Variants in PDSS2 observed in about 807,000 individuals in gnomAD.
PDSS2 encodes all trans-polyprenyl-diphosphate synthase PDSS2.
In PDSS2, 31 loss-of-function variants were observed where a neutral mutation model predicts 44.5. The observed-to-expected ratio is 0.70, with a 90% CI of 0.52 to 0.94. The LOEUF (loss-of-function observed/expected upper bound fraction) is 0.94. Ranked by LOEUF, PDSS2 falls within the 40% of genes least tolerant of loss-of-function variation. The pLI is 0.00. For synonymous variants in PDSS2, 157 were observed against 180.3 expected (o/e 0.87, Z 1.03); for missense variants, 452 against 482.2 (o/e 0.94, Z 0.59).
At chr6:107,398,137 T>C (rs144993264) in intron 1 of PDSS2, among the ~76,000 whole-genome samples, 22 of 152,350 alleles carry the variant, frequency 1.4e-4, no homozygotes, top group African/African-American at 5.0e-4. Flanking sequence ...TTCACAATTA[T>C]CTGAAAAAGT....
intron 1 of PDSS2, among the ~76,000 whole-genome samples, chr6:107,384,851 C>T (rs1054163057): frequency 2.0e-5 from 3 of 151,928 alleles, no homozygotes; most frequent in South Asian, 2.1e-4. Context: ...TCTCAATTTC[C>T]GCAAATAAAA....
At chr6:107,439,871 C>T (rs1204386844) in intron 1 of PDSS2, among the ~76,000 whole-genome samples, 1 of 152,114 alleles carries the variant, frequency 6.6e-6, no homozygotes, top group Non-Finnish European at 1.5e-5. Context: ...ATGGGACCAG[C>T]ACCTGAGAAT....
intron 1 of PDSS2, among the ~76,000 whole-genome samples, chr6:107,405,691 C>CA (rs1361079363): frequency 1.3e-5 from 2 of 151,564 alleles, no homozygotes; most frequent in Admixed American, 1.3e-4. Context: ...ACTAAAAATA[C>CA]AAAAAATTAG....
At chr6:107,437,012 T>A (rs1319039192) in intron 1 of PDSS2, among the ~76,000 whole-genome samples, 1 of 152,062 alleles carries the variant, frequency 6.6e-6, no homozygotes, top group African/African-American at 2.4e-5. Context: ...TTTTCTTTCT[T>A]TTGAGACACA....
chr6:107,194,346 C>A (rs1037499156), intron 6 of PDSS2, among the ~76,000 whole-genome samples: 1 of 152,080 alleles, frequency 6.6e-6, no homozygotes, highest in African/African-American at 2.4e-5. Flanking sequence ...TTATTATTAT[C>A]ATTTCTTCTT....
chr6:107,165,202 C>T (rs1441844037), intron 7 of PDSS2, among the ~76,000 whole-genome samples: 2 of 152,046 alleles, frequency 1.3e-5, no homozygotes, highest in South Asian at 2.1e-4. Context: ...GCTTTTGTTG[C>T]CATTGCTTTT....
At chr6:107,375,866 T>C (rs890375425) in intron 1 of PDSS2, among the ~76,000 whole-genome samples, 1 of 152,202 alleles carries the variant, frequency 6.6e-6, no homozygotes, top group Non-Finnish European at 1.5e-5. Flanking sequence ...AACAGAAGGT[T>C]GGTTTAACAT....
chr6:107,405,704 G>A (rs961698319), intron 1 of PDSS2, among the ~76,000 whole-genome samples: 13 of 151,970 alleles, frequency 8.6e-5, no homozygotes, highest in East Asian at 1.9e-4. Context: ...AAAATTAGCC[G>A]GGCGTAGCGG....
At chr6:107,161,622 G>T (rs1417678536) in intron 7 of PDSS2, among the ~76,000 whole-genome samples, 2 of 152,130 alleles carry the variant, frequency 1.3e-5, no homozygotes, top group African/African-American at 4.8e-5. Flanking sequence ...GTTTTGTTGG[G>T]GAATAACCAC....
intron 1 of PDSS2, among the ~76,000 whole-genome samples, chr6:107,387,727 A>G (rs1443721224): frequency 1.3e-5 from 2 of 152,226 alleles, no homozygotes; most frequent in Non-Finnish European, 2.9e-5. Context: ...CCTACTGACC[A>G]TCCCTAGAGG....
intron 1 of PDSS2, among the ~76,000 whole-genome samples, chr6:107,435,379 T>C (rs1429539429): frequency 6.6e-6 from 1 of 151,668 alleles, no homozygotes; most frequent in African/African-American, 2.4e-5. Flanking sequence ...GTACCATGCA[T>C]ACTCCATTGT....
At chr6:107,387,591 C>CTTA (rs1779649505) in intron 1 of PDSS2, among the ~76,000 whole-genome samples, 1 of 152,166 alleles carries the variant, frequency 6.6e-6, no homozygotes, top group Admixed American at 6.5e-5. Flanking sequence ...AATATCTTAA[C>CTTA]CTGTAATCCA....
At chr6:107,206,111 A>C (rs1772966385) in intron 6 of PDSS2, among the ~76,000 whole-genome samples, 1 of 152,204 alleles carries the variant, frequency 6.6e-6, no homozygotes, top group African/African-American at 2.4e-5. Context: ...TCAGTCTGTC[A>C]CCCAGGCTGG....
At chr6:107,437,849 C>T (rs1781402489) in intron 1 of PDSS2, among the ~76,000 whole-genome samples, 2 of 152,122 alleles carry the variant, frequency 1.3e-5, no homozygotes, top group African/African-American at 4.8e-5. Flanking sequence ...CTGATTGAGG[C>T]CAGAAGATTC....
intron 2 of PDSS2, among the ~76,000 whole-genome samples, chr6:107,284,702 G>C (rs572888047): frequency 6.6e-6 from 1 of 150,656 alleles, no homozygotes; most frequent in South Asian, 2.1e-4. Flanking sequence ...AGTTAACCTT[G>C]TTTTAGCTAC....
At chr6:107,347,637 T>C (rs11961499) in intron 1 of PDSS2, among the ~76,000 whole-genome samples, 24,081 of 152,160 alleles carry the variant, frequency 0.16, 2,025 homozygotes, top group South Asian at 0.2. Flanking sequence ...ATGGGTTCTT[T>C]CCTTGATGTT....
In PDSS2 at chr6:107,373,071, C is replaced by A. The variant is rs562051339; in HGVS notation, c.297-38739G>T. 2.0e-3 allele frequency among the ~76,000 whole-genome samples: 298 copies of A among 149,840 alleles called. 1 individual carries two copies. The highest frequency in any genetic ancestry group is 4.0e-3 in the Admixed American group (61 of 15,080). ...TGATCTCGGCTCACCACAACCTCCA[C>A]CTCCTGGATTCAAGTGATGCTCCTG... is the stretch of plus-strand genomic sequence containing the variant. On this transcript the variant is annotated intron_variant, in intron 1 of 7. Transcript: ENST00000369037.
chr6:107,289,552 G>A (rs897970788), intron 2 of PDSS2, among the ~76,000 whole-genome samples: 16 of 151,854 alleles, frequency 1.1e-4, no homozygotes, highest in South Asian at 2.1e-4. Flanking sequence ...ATAAAAATTA[G>A]CTGGACGTGG....
intron 1 of PDSS2, among the ~76,000 whole-genome samples, chr6:107,401,967 ACC>A (rs1451394202): frequency 6.6e-6 from 1 of 152,142 alleles, no homozygotes; most frequent in Non-Finnish European, 1.5e-5. Flanking sequence ...ACATGGTGAA[ACC>A]CTGTCTCTAT....
Sources: gnomAD v4.1 joint callset for allele counts (sites outside exome capture counted in the v4.1 genomes callset) on GRCh38, gnomAD v4.1.1 for gene constraint, MANE v1.5 for transcripts, NCBI Gene and HGNC (gene_info 2026-07-23, HGNC 2026-07-21) for gene names.